The following GRIN1 variants were observed in gnomAD, a reference collection of about 807,000 sequenced individuals.
GRIN1 encodes glutamate ionotropic receptor NMDA type subunit 1.
A neutral mutation model predicts 103.0 loss-of-function variants in GRIN1; 38 were observed. That is an observed-to-expected ratio of 0.37 (90% CI 0.28 to 0.48). GRIN1 has a LOEUF of 0.48. Ranked by LOEUF, GRIN1 falls within the 20% of genes least tolerant of loss-of-function variation. GRIN1 has a pLI of 0.98. For synonymous variants in GRIN1, 544 were observed against 532.7 expected (o/e 1.02, Z -0.29); for missense variants, 577 against 1,288.9 (o/e 0.45, Z 8.46).
At chr9:137,162,119 CG>C in intron 11 of GRIN1, 31 bp downstream of exon 11, 2 of 468,110 alleles carry the variant, frequency 4.3e-6, no homozygotes, top group Non-Finnish European at 3.5e-6. Flanking sequence ...GGGGTGGCGG[CG>C]GGGGGAGTCC....
rs546412168 is a variant in GRIN1 at position 137,154,413 on chromosome 9, C to T, written c.672-2256C>T. ...GGGCTGGGATGACAGGCATCAGCCACCACCCCCAGCTCCAACAACTTTTTT... is the reference window on the plus strand; with the variant it reads ...GGGCTGGGATGACAGGCATCAGCCATCACCCCCAGCTCCAACAACTTTTTT... On this transcript the variant is annotated intron_variant, in intron 4 of 19. Transcript: ENST00000371561. Among the ~76,000 whole-genome samples, 8 of 146,306 alleles carry T rather than the reference C, an allele frequency of 5.5e-5. No homozygotes were observed. In the South Asian group the frequency reaches 1.8e-3, roughly 32 times the overall value.
intron 10 of GRIN1, among the ~76,000 whole-genome samples, chr9:137,161,705 A>G (rs374909140): frequency 2.3e-4 from 1 of 4,382 alleles, no homozygotes; most frequent in Non-Finnish European, 4.8e-4. Context: ...AGTGGGCGGG[A>G]CGTGGAGTGG....
In GRIN1 at chr9:137,167,545, C is replaced by T. The variant is rs374421645; in HGVS notation, c.*18C>T. 2.1e-5 allele frequency: 31 copies of T among 1,493,264 alleles called. No individual in the cohort carries two copies. Among genetic ancestry groups the T allele is most frequent in the African/African-American group, 1.4e-4 (10 of 72,184 alleles). The allele number at this position is 1,493,264 out of a possible 1,614,324, so 92.5% of individuals were successfully genotyped here. On this transcript the variant is annotated 3_prime_UTR_variant, in exon 20 of 20. Coordinates refer to ENST00000371561, the MANE Select transcript of GRIN1 (RefSeq NM_007327.4). The stretch of plus-strand genomic sequence containing the variant: ...AGAGCTGAGACTCCCCGCCCGCCCT[C>T]CTCTGCCCCCTCCCCCGCAGACAGA...
At chr9:137,144,415 G>C (rs527433788) in intron 2 of GRIN1, among the ~76,000 whole-genome samples, 2 of 151,688 alleles carry the variant, frequency 1.3e-5, no homozygotes, top group Non-Finnish European at 2.9e-5. Context: ...AGCACTTTGG[G>C]AGGCCGAGGC....
intron 4 of GRIN1, among the ~76,000 whole-genome samples, chr9:137,152,397 A>C (rs1832962360): frequency 6.6e-6 from 1 of 152,146 alleles, no homozygotes; most frequent in African/African-American, 2.4e-5. Flanking sequence ...TTGCCCTAAA[A>C]CATACCTGTT....
intron 19 of GRIN1, 32 bp downstream of exon 19, chr9:137,165,328 G>T: frequency 7.7e-7 from 1 of 1,306,302 alleles, no homozygotes; most frequent in Non-Finnish European, 1.1e-6. Context: ...TCCCGCGTCC[G>T]ACTCCACCTG....
intron 4 of GRIN1, 52 bp from the exon 5 acceptor site, chr9:137,156,617 G>A (rs1833236742): frequency 1.3e-6 from 2 of 1,581,240 alleles, no homozygotes; most frequent in Admixed American, 1.8e-5. Context: ...CCTGCGGAGC[G>A]CCGCGGTGGG....
chr9:137,154,363 G>T (rs1833092863), intron 4 of GRIN1, among the ~76,000 whole-genome samples: 2 of 145,196 alleles, frequency 1.4e-5, no homozygotes, highest in South Asian at 4.5e-4. Context: ...GGCCTCAAGT[G>T]ATCCACCCAC....
At position 137,145,714 on chromosome 9, in the gene GRIN1, C is replaced by T. The variant is rs202085198; in HGVS notation, c.394-12C>T. 23 of 1,610,924 alleles carry T rather than the reference C, an allele frequency of 1.4e-5. No homozygotes were observed. The highest frequency in any genetic ancestry group is 4.0e-5 in the African/African-American group (3 of 74,812). On this transcript the variant is annotated splice_polypyrimidine_tract_variant and intron_variant, in intron 2 of 19. Coordinates refer to ENST00000371561, the MANE Select transcript of GRIN1 (RefSeq NM_007327.4). ...GGTCCACCTCAGCCCGCCGTGCCCC[C>T]GCCTCCCGCAGAGCATCCACCTGAG...
chr9:137,168,719 G>C lies in GRIN1; in HGVS notation c.*1192G>C. On this transcript the variant is annotated 3_prime_UTR_variant, in exon 20 of 20. Transcript: ENST00000371561. ...GCGCACCGCCCAACCCCCACCTCCC[G>C]GTGTATGCAGTGGTGATGCCTAAAG... The C allele has an allele frequency of 1.6e-6, 1 of 642,116 alleles. No homozygotes were observed. The highest frequency in any genetic ancestry group is 4.0e-5 in the East Asian group (1 of 25,162). The allele number at this position is 642,116 out of a possible 1,614,324, so 39.8% of individuals were successfully genotyped here.
chr9:137,160,448 G>A (rs953277769), intron 8 of GRIN1, among the ~76,000 whole-genome samples: 8 of 147,118 alleles, frequency 5.4e-5, no homozygotes, highest in African/African-American at 2.0e-4. Context: ...TTTTTTTTTT[G>A]AGACAGAGTC....
rs1011430270 is a variant in GRIN1 at position 137,164,721 on chromosome 9, C to T, written c.2590-465C>T. ...GCCATCAGACCTGAGGCCAGAGTCC[C>T]GGGAGCTGCCTCTGTCACTCCAATT... On this transcript the variant is annotated intron_variant, in intron 18 of 19. Transcript: ENST00000371561. 2.2e-5 allele frequency: 5 copies of T among 223,350 alleles called. No homozygotes were observed. In the East Asian group the frequency reaches 5.9e-4, roughly 26 times the overall value. The allele number at this position is 223,350 out of a possible 1,614,324, so 13.8% of individuals were successfully genotyped here. A position where few individuals can be genotyped will look rare whatever the true frequency, so the allele number is the denominator to read the frequency against.
chr9:137,153,396 C>G (rs1833023484), intron 4 of GRIN1, among the ~76,000 whole-genome samples: 1 of 151,404 alleles, frequency 6.6e-6, no homozygotes, highest in Admixed American at 6.6e-5. Context: ...CACATACACA[C>G]CACATGCTCC....
intron 4 of GRIN1, 38 bp from the exon 5 acceptor site, chr9:137,156,631 G>T: frequency 1.3e-6 from 2 of 1,591,286 alleles, no homozygotes; most frequent in Non-Finnish European, 8.5e-7. Context: ...CGGTGGGAGT[G>T]CTGGAGTCCT....
At chr9:137,151,576 GC>G (rs1308057731) in intron 4 of GRIN1, among the ~76,000 whole-genome samples, 1 of 150,110 alleles carries the variant, frequency 6.7e-6, no homozygotes, top group East Asian at 2.0e-4. Flanking sequence ...CCCAGGGAAA[GC>G]CCCACCCAGT....
chr9:137,148,524 C>A (rs1046396708), intron 3 of GRIN1, among the ~76,000 whole-genome samples: 1 of 152,232 alleles, frequency 6.6e-6, no homozygotes, highest in Non-Finnish European at 1.5e-5. Flanking sequence ...CGGGAGGGAG[C>A]CCGCCCGCCT....
chr9:137,162,948 A>G lies in GRIN1; in HGVS notation c.2116A>G (p.Met706Val). 1 of 1,608,988 alleles carries G rather than the reference A, an allele frequency of 6.2e-7. No homozygotes were observed. The highest frequency in any genetic ancestry group is 8.5e-7 in the Non-Finnish European group (1 of 1,178,378). The change falls in exon 15 of 20, where the codon ATG (methionine) becomes GTG (valine). Residue 706 changes from methionine to valine, a missense_variant. By Grantham distance (21) the Met-to-Val change is conservative. Around this residue, in one of 9 missense-constraint regions of GRIN1, gnomAD observed 59 missense variants for 161.3 expected, o/e 0.37. Coordinates refer to ENST00000371561, the MANE Select transcript of GRIN1 (RefSeq NM_007327.4). ...GGAGCTGAGCACCATGTACCGGCAT[A>G]TGGAGAAGCACAACTACGAGAGTGC... ...QVELSTMYRH[M>V]EKHNYESAAE... is the part of the protein sequence containing the mutation.
intron 3 of GRIN1, among the ~76,000 whole-genome samples, chr9:137,147,247 C>T (rs554930468): frequency 6.6e-6 from 1 of 152,078 alleles, no homozygotes; most frequent in Non-Finnish European, 1.5e-5. Flanking sequence ...GCAGCTCCAG[C>T]GCCACACACA....
In GRIN1 at chr9:137,167,672, G is replaced by T; in HGVS notation, c.*145G>T. The T allele has an allele frequency of 6.5e-7, 1 of 1,537,482 alleles. No homozygotes were observed. Among genetic ancestry groups the T allele is most frequent in the Non-Finnish European group, 8.7e-7 (1 of 1,143,048 alleles). Reference sequence around the variant, plus strand: ...AGCCTCCCCCAGGCTGCGCCTGCCCGCCCGCCGGTTGGCCGGCTGGCCGGT... The same window carrying T: ...AGCCTCCCCCAGGCTGCGCCTGCCCTCCCGCCGGTTGGCCGGCTGGCCGGT... On this transcript the variant is annotated 3_prime_UTR_variant, in exon 20 of 20. Transcript: ENST00000371561.
Sources: gnomAD v4.1 joint callset for allele counts (sites outside exome capture counted in the v4.1 genomes callset) on GRCh38, gnomAD v4.1.1 for gene constraint, gnomAD v4.1.1 regional missense constraint, MANE v1.5 for transcripts, NCBI Gene and HGNC (gene_info 2026-07-23, HGNC 2026-07-21) for gene names.